The following EPAS1 variants were observed in gnomAD, a reference collection of about 807,000 sequenced individuals.
The protein encoded by EPAS1 is endothelial PAS domain protein 1, also known as endothelial PAS domain-containing protein 1.
In EPAS1, 23 loss-of-function variants were observed where a neutral mutation model predicts 87.9. The observed-to-expected ratio is 0.26, with a 90% CI of 0.19 to 0.37. EPAS1 has a LOEUF of 0.37. Among genes scored for constraint, EPAS1 ranks in the 10% least tolerant of loss-of-function variants. The pLI is 1.00. For synonymous variants in EPAS1, 508 were observed against 444.3 expected (o/e 1.14, Z -1.80); for missense variants, 1,138 against 1,120.7 (o/e 1.02, Z -0.22).
chr2:46,352,110 G>C (rs185240441), intron 2 of EPAS1, among the ~76,000 whole-genome samples: 20 of 152,304 alleles, frequency 1.3e-4, no homozygotes, highest in Admixed American at 5.2e-4. Flanking sequence ...GTTTTAATGA[G>C]CCATCTCTCG....
At chr2:46,302,559 G>C (rs1258794429) in intron 1 of EPAS1, among the ~76,000 whole-genome samples, 1 of 151,912 alleles carries the variant, frequency 6.6e-6, no homozygotes, top group Non-Finnish European at 1.5e-5. Context: ...CTCCCCACCA[G>C]TACCATGCTG....
At chr2:46,332,300 G>A (rs1223040291) in intron 1 of EPAS1, among the ~76,000 whole-genome samples, 1 of 112,286 alleles carries the variant, frequency 8.9e-6, no homozygotes, top group Non-Finnish European at 1.7e-5. Flanking sequence ...ACGTGTGTGT[G>A]TGTGTGTGTG....
At chr2:46,304,672 A>G (rs1259355110) in intron 1 of EPAS1, among the ~76,000 whole-genome samples, 1 of 152,122 alleles carries the variant, frequency 6.6e-6, no homozygotes, top group East Asian at 1.9e-4. Context: ...AAGAAATTCA[A>G]AGCTTTCCAC....
At chr2:46,332,386 A>G (rs1683702835) in intron 1 of EPAS1, among the ~76,000 whole-genome samples, 1 of 150,978 alleles carries the variant, frequency 6.6e-6, no homozygotes, top group Non-Finnish European at 1.5e-5. Flanking sequence ...TAAAGATGAC[A>G]TTATCTCTAA....
At chr2:46,307,637 C>G (rs552182731) in intron 1 of EPAS1, among the ~76,000 whole-genome samples, 27 of 152,118 alleles carry the variant, frequency 1.8e-4, no homozygotes, top group Admixed American at 7.2e-4. Flanking sequence ...CTAAAGAAAT[C>G]CTAGTCTGTG....
In EPAS1 at chr2:46,380,209, G is replaced by T. The variant is rs763871725; in HGVS notation, c.1555-18G>T. 7 of 1,606,602 alleles carry T rather than the reference G, an allele frequency of 4.4e-6. No homozygotes were observed. The African/African-American group carries it at 9.3e-5, about 21-fold the overall frequency. On this transcript the variant is annotated intron_variant, in intron 11 of 15. Transcript: ENST00000263734. The surrounding 1 kb of genome is among the most constrained non-coding windows in gnomAD (Gnocchi z 4.4). ...GTACCAACCCCCTTGCCTCTTTGCCGGTGCTGTCTCCCCTCAGACGGATTT... is the reference window on the plus strand; with the variant it reads ...GTACCAACCCCCTTGCCTCTTTGCCTGTGCTGTCTCCCCTCAGACGGATTT...
In EPAS1 at chr2:46,381,956, C is replaced by G. The variant is rs753853786; in HGVS notation, c.2173-19C>G. The G allele has an allele frequency of 7.1e-7, 1 of 1,417,448 alleles. No individual in the cohort carries two copies. Among genetic ancestry groups the G allele is most frequent in the Admixed American group, 1.9e-5 (1 of 53,954 alleles). 87.8% of individuals were successfully genotyped at this position (1,417,448 alleles called of 1,614,324 possible). ...TTCTCTGGCCATTTCCCCTTTCCATCTGCCCTTCTTACTCCCAGGGGGACC... is the reference window on the plus strand; with the variant it reads ...TTCTCTGGCCATTTCCCCTTTCCATGTGCCCTTCTTACTCCCAGGGGGACC... On this transcript the variant is annotated intron_variant, in intron 13 of 15. Transcript: ENST00000263734.
chr2:46,347,853 G>T lies in EPAS1; in HGVS notation c.217+790G>T, dbSNP rs1684065456. 6.6e-6 allele frequency among the ~76,000 whole-genome samples: 1 copy of T among 152,190 alleles called. No homozygotes were observed. Among genetic ancestry groups the T allele is most frequent in the Admixed American group, 6.5e-5 (1 of 15,288 alleles). On this transcript the variant is annotated intron_variant, in intron 2 of 15. Coordinates refer to ENST00000263734, the MANE Select transcript of EPAS1 (RefSeq NM_001430.5). The surrounding 1 kb of genome is among the most constrained non-coding windows in gnomAD (Gnocchi z 4.2). The stretch of plus-strand genomic sequence containing the variant: ...GATCCTAGGTGACATTCTCGTCAGG[G>T]GTGTCAGTTCTGTAAGGACGCTGGG...
At position 46,378,060 on chromosome 2, in the gene EPAS1, C is replaced by T. The variant is rs185487482; in HGVS notation, c.1416C>T (p.Ala472=). ...AAAPGSTTPS[A]TSSSSSCSTP... is the part of the protein sequence containing the mutation. Reference sequence around the variant, plus strand: ...CCCCGGGCAGCACCACCCCCAGTGCCACCAGCAGCAGCAGCAGCTGCTCCA... The same window carrying T: ...CCCCGGGCAGCACCACCCCCAGTGCTACCAGCAGCAGCAGCAGCTGCTCCA... The change falls in exon 10 of 16, where the codon GCC becomes GCT. Residue 472 remains alanine (A), a synonymous_variant. Transcript: ENST00000263734. The T allele has an allele frequency of 1.2e-6, 2 of 1,606,762 alleles. No individual in the cohort carries two copies. Among genetic ancestry groups the T allele is most frequent in the East Asian group, 2.2e-5 (1 of 44,668 alleles).
At chr2:46,308,142 T>C (rs1683144232) in intron 1 of EPAS1, among the ~76,000 whole-genome samples, 1 of 152,170 alleles carries the variant, frequency 6.6e-6, no homozygotes, top group South Asian at 2.1e-4. Flanking sequence ...TCATTCCCAC[T>C]TCTATTCCCT....
intron 10 of EPAS1, 151 bp downstream of exon 10, chr2:46,378,238 C>G: frequency 1.4e-6 from 2 of 1,384,224 alleles, no homozygotes; most frequent in Non-Finnish European, 1.9e-6. Flanking sequence ...TACCAGGTAT[C>G]AGAGCTGTTT....
rs1001490524 is a variant in EPAS1, at chr2:46,347,259, C to G, written c.217+196C>G. 7 of 675,366 alleles carry G rather than the reference C, an allele frequency of 1.0e-5. No individual in the cohort carries two copies. Among genetic ancestry groups the G allele is most frequent in the Non-Finnish European group, 1.8e-5 (7 of 386,782 alleles). The allele number at this position is 675,366 out of a possible 1,614,324, so 41.8% of individuals were successfully genotyped here. ...CCAGCAGTGACCTTTACCGTGAATC[C>G]AGCTGTGAGAGGAGGGCAGGGACAG... On this transcript the variant is annotated intron_variant, in intron 2 of 15. Coordinates refer to ENST00000263734, the MANE Select transcript of EPAS1 (RefSeq NM_001430.5). This position sits in a 1 kb window ranked among gnomAD's most constrained non-coding sequence, Gnocchi z 4.2.
chr2:46,359,257 C>CAAAAAAAAAAAAAAAAAAAAAAAAAAA (rs57351888), intron 4 of EPAS1, among the ~76,000 whole-genome samples: 2 of 25,094 alleles, frequency 8.0e-5, no homozygotes, highest in Non-Finnish European at 1.3e-4. Flanking sequence ...GATTCTGTCT[C>CAAAAAAAAAAAAAAAAAAAAAAAAAAA]AAAAAAAAAA....
In EPAS1 at chr2:46,375,304, C is replaced by T. The variant is rs1684721160; in HGVS notation, c.887-386C>T. ...CTCCTTACCCAGTGTGAAGGGGCTT[C>T]TTCTCATTGAACCCCATGAAGAAAG... On this transcript the variant is annotated intron_variant, in intron 7 of 15. Transcript: ENST00000263734. This position sits in a 1 kb window ranked among gnomAD's most constrained non-coding sequence, Gnocchi z 4.1. Among the ~76,000 whole-genome samples the T allele has an allele frequency of 6.6e-6, 1 of 151,766 alleles. No individual in the cohort carries two copies. Among genetic ancestry groups the T allele is most frequent in the South Asian group, 2.1e-4 (1 of 4,814 alleles).
chr2:46,375,484 C>T lies in EPAS1; in HGVS notation c.887-206C>T, dbSNP rs114060357. The stretch of plus-strand genomic sequence containing the variant: ...GGCAAGTCATTTCACCTCTTCTCAC[C>T]TCTTTTTCCTATATTTAAAATGAAG... On this transcript the variant is annotated intron_variant, in intron 7 of 15. Coordinates refer to ENST00000263734, the MANE Select transcript of EPAS1 (RefSeq NM_001430.5). This position sits in a 1 kb window ranked among gnomAD's most constrained non-coding sequence, Gnocchi z 4.1. Among the ~76,000 whole-genome samples, 257 of 152,216 alleles carry T rather than the reference C, an allele frequency of 1.7e-3. No homozygotes were observed. The highest frequency in any genetic ancestry group is 5.8e-3 in the African/African-American group (241 of 41,540).
Position 46,326,543 on chromosome 2 carries a change from G to A in EPAS1, c.27-20330G>A, listed in dbSNP as rs145886799. On this transcript the variant is annotated intron_variant, in intron 1 of 15. Coordinates refer to ENST00000263734, the MANE Select transcript of EPAS1 (RefSeq NM_001430.5). ...CTCCCACTAGATTCCTATCTCCTCCGTGGGGAAAAACAAGTATTTAAAGTT... is the reference window on the plus strand; with the variant it reads ...CTCCCACTAGATTCCTATCTCCTCCATGGGGAAAAACAAGTATTTAAAGTT... Among the ~76,000 whole-genome samples, 6 of 152,088 alleles carry A rather than the reference G, an allele frequency of 3.9e-5. 1 individual carries two copies. The highest frequency in any genetic ancestry group is 2.0e-4 in the Admixed American group (3 of 15,292).
intron 3 of EPAS1, 124 bp from the exon 4 acceptor site, chr2:46,356,600 G>A: frequency 2.5e-6 from 2 of 814,706 alleles, no homozygotes; most frequent in Non-Finnish European, 4.3e-6. Context: ...ACTGGACTGG[G>A]ATTATGAGAA....
At chr2:46,302,947 C>A (rs1683040853) in intron 1 of EPAS1, among the ~76,000 whole-genome samples, 1 of 152,032 alleles carries the variant, frequency 6.6e-6, no homozygotes, top group South Asian at 2.1e-4. Context: ...GTGGCGTATG[C>A]CTGTAGTCCC....
At chr2:46,321,201 T>C (rs533457934) in intron 1 of EPAS1, among the ~76,000 whole-genome samples, 2 of 152,366 alleles carry the variant, frequency 1.3e-5, no homozygotes, top group South Asian at 4.1e-4. Context: ...AGTTACAACA[T>C]GTATTCAAAG....
Sources: allele counts gnomAD v4.1 joint callset (sites outside exome capture counted in the v4.1 genomes callset), GRCh38; gene constraint gnomAD v4.1.1; non-coding constraint Gnocchi (gnomAD v3.1); transcripts MANE v1.5; gene names NCBI Gene and HGNC (gene_info 2026-07-23, HGNC 2026-07-21).